The following MAPK10 variants were observed in gnomAD, a reference collection of about 807,000 sequenced individuals.
MAPK10 encodes mitogen-activated protein kinase 10, also known as JNK3 alpha protein kinase.
MAPK10 carries 25 observed loss-of-function variants against 59.3 expected under a neutral mutation model. The ratio of observed to expected loss-of-function variants is 0.42; its 90% CI spans 0.31 to 0.59. The LOEUF (loss-of-function observed/expected upper bound fraction) is 0.59, where lower values mean the gene tolerates loss of function less well. Ranked by LOEUF, MAPK10 falls within the 20% of genes least tolerant of loss-of-function variation. The pLI is 0.15. For missense variants in MAPK10, 351 were observed against 568.9 expected, an observed-to-expected ratio of 0.62 and a Z score of 3.90; for synonymous variants, 190 against 200.5, an observed-to-expected ratio of 0.95 and a Z score of 0.44.
chr4:86,068,016 G>GAGACTA (rs926859540), intron 9 of MAPK10, 61 bp from the exon 10 acceptor site: 48 of 1,129,584 alleles, frequency 4.2e-5, no homozygotes, highest in Non-Finnish European at 5.8e-5. Context: ...CAACAATTGG[G>GAGACTA]AGACTAACTC....
chr4:86,278,060 T>A (rs1049794166), intron 2 of MAPK10, among the ~76,000 whole-genome samples: 3 of 152,092 alleles, frequency 2.0e-5, no homozygotes, highest in African/African-American at 7.2e-5. Context: ...ACAGGGACAA[T>A]TGCTAAAGGG....
At chr4:86,234,536 T>C (rs2092003100) in intron 2 of MAPK10, among the ~76,000 whole-genome samples, 1 of 152,110 alleles carries the variant, frequency 6.6e-6, no homozygotes, top group African/African-American at 2.4e-5. Flanking sequence ...GGGCAAATTC[T>C]TCAATAATAA....
At chr4:86,402,105 AGTG>A (rs1229647327) in intron 1 of MAPK10, among the ~76,000 whole-genome samples, 1 of 152,128 alleles carries the variant, frequency 6.6e-6, no homozygotes, top group Non-Finnish European at 1.5e-5. Context: ...AAAGGAAACT[AGTG>A]CTCTCATTTT....
intron 13 of MAPK10, among the ~76,000 whole-genome samples, chr4:86,021,654 G>T (rs1318294039): frequency 6.6e-6 from 1 of 152,372 alleles, no homozygotes; most frequent in Admixed American, 6.5e-5. Context: ...CCATGGAGCA[G>T]GGGGTGGTGC....
chr4:86,314,734 T>C (rs943429209), intron 2 of MAPK10, among the ~76,000 whole-genome samples: 2 of 152,080 alleles, frequency 1.3e-5, no homozygotes, highest in Non-Finnish European at 2.9e-5. Context: ...AGAGAATACA[T>C]GCAAGGAAAA....
chr4:86,190,525 A>G (rs540776607), intron 3 of MAPK10, among the ~76,000 whole-genome samples: 1 of 152,088 alleles, frequency 6.6e-6, no homozygotes, highest in Non-Finnish European at 1.5e-5. Flanking sequence ...TTTCAAGTTT[A>G]TTTGCATAGA....
At chr4:86,264,935 C>T (rs911156738) in intron 2 of MAPK10, among the ~76,000 whole-genome samples, 9 of 145,744 alleles carry the variant, frequency 6.2e-5, no homozygotes, top group Admixed American at 2.8e-4. Flanking sequence ...CTCTGTCACC[C>T]AGGTGGAGTG....
intron 1 of MAPK10, among the ~76,000 whole-genome samples, chr4:86,406,934 G>T (rs1744438263): frequency 1.3e-5 from 2 of 152,104 alleles, no homozygotes; most frequent in African/African-American, 4.8e-5. Flanking sequence ...CCTTCACATG[G>T]CAATCTTCAT....
chr4:86,409,005 G>C (rs926277884), intron 1 of MAPK10, among the ~76,000 whole-genome samples: 7 of 152,062 alleles, frequency 4.6e-5, no homozygotes, highest in African/African-American at 1.7e-4. Flanking sequence ...GTATTGCCTA[G>C]GTTTTCTTCT....
chr4:86,071,644 T>C (rs893324990), intron 9 of MAPK10, among the ~76,000 whole-genome samples: 46 of 151,388 alleles, frequency 3.0e-4, no homozygotes, highest in African/African-American at 1.1e-3. Context: ...ATTTATTAAA[T>C]AGGGAATCCT....
At chr4:86,124,125 A>T (rs140754829) in intron 4 of MAPK10, 5 of 152,056 alleles carry the variant, frequency 3.3e-5, no homozygotes, top group African/African-American at 9.6e-5. Flanking sequence ...GATAACACAC[A>T]AAAAATTTTT....
Position 86,170,201 on chromosome 4 carries a change from C to T in MAPK10, c.67-10734G>A, listed in dbSNP as rs183229336. 1.2e-4 allele frequency among the ~76,000 whole-genome samples: 18 copies of T among 151,862 alleles called. No individual in the cohort carries two copies. The East Asian group carries it at 2.1e-3, about 18-fold the overall frequency. On this transcript the variant is annotated intron_variant, in intron 3 of 13. Transcript: ENST00000641462. The stretch of plus-strand genomic sequence containing the variant: ...CATCATAATGACAGGATCAAATACA[C>T]ACATCACAATATTAACTTTAAATGT...
intron 2 of MAPK10, among the ~76,000 whole-genome samples, chr4:86,317,535 T>C (rs1265533972): frequency 2.0e-5 from 3 of 152,230 alleles, no homozygotes; most frequent in African/African-American, 7.2e-5. Context: ...AGTATTTATA[T>C]ACCCAAATCT....
chr4:86,468,970 A>G (rs749510836), intron 1 of MAPK10, among the ~76,000 whole-genome samples: 7 of 152,234 alleles, frequency 4.6e-5, no homozygotes, highest in Non-Finnish European at 7.3e-5. Context: ...CAGGGGATTC[A>G]TAAGAAATAC....
chr4:86,420,682 A>G (rs1746412829), intron 1 of MAPK10, among the ~76,000 whole-genome samples: 2 of 152,150 alleles, frequency 1.3e-5, no homozygotes, highest in African/African-American at 4.8e-5. Context: ...CCAGCTACTC[A>G]GGGGGCTGAG....
intron 1 of MAPK10, among the ~76,000 whole-genome samples, chr4:86,483,647 A>T (rs1286595453): frequency 6.6e-6 from 1 of 152,132 alleles, no homozygotes; most frequent in Non-Finnish European, 1.5e-5. Context: ...TAAGAACCAG[A>T]TTCTATACCT....
chr4:86,108,438 A>G (rs577433526), intron 4 of MAPK10, among the ~76,000 whole-genome samples: 3 of 152,188 alleles, frequency 2.0e-5, no homozygotes. Flanking sequence ...CTAAATTAGA[A>G]GTAACATTGA....
chr4:86,051,418 T>C (rs536757359), intron 11 of MAPK10, among the ~76,000 whole-genome samples: 14 of 152,286 alleles, frequency 9.2e-5, no homozygotes, highest in Non-Finnish European at 1.8e-4. Context: ...AATCTGAAGG[T>C]TACCATGATT....
chr4:86,440,446 G>C (rs1418696892), intron 1 of MAPK10, among the ~76,000 whole-genome samples: 2 of 151,942 alleles, frequency 1.3e-5, no homozygotes, highest in African/African-American at 4.8e-5. Flanking sequence ...ATCAGCCTGG[G>C]CAAGTGAGAT....
Sources: allele counts gnomAD v4.1 joint callset (sites outside exome capture counted in the v4.1 genomes callset), GRCh38; gene constraint gnomAD v4.1.1; transcripts MANE v1.5; gene names NCBI Gene and HGNC (gene_info 2026-07-23, HGNC 2026-07-21).